Variants in SNX27 observed in about 807,000 individuals in gnomAD.
SNX27 encodes the protein sorting nexin 27.
SNX27 carries 22 observed loss-of-function variants against 71.6 expected under a neutral mutation model. The ratio of observed to expected loss-of-function variants is 0.31; its 90% confidence interval spans 0.22 to 0.44. The LOEUF (loss-of-function observed/expected upper bound fraction) is 0.44, where lower values mean the gene tolerates loss of function less well. Among genes scored for constraint, SNX27 ranks in the 20% least tolerant of loss-of-function variants. The probability of loss-of-function intolerance (pLI) is 1.00; values close to 1 mark genes in which losing one functional copy is unlikely to be tolerated. For missense variants in SNX27, 531 were observed against 698.6 expected (o/e 0.76, Z 2.70); for synonymous variants, 269 against 277.2 (o/e 0.97, Z 0.29).
Position 151,697,719 on chromosome 1 carries a change from A to C in SNX27, c.*3302A>C, listed in dbSNP as rs1300959820. The C allele has an allele frequency of 6.5e-6, 1 of 152,786 alleles. No homozygotes were observed. Among genetic ancestry groups the C allele is most frequent in the Admixed American group, 6.5e-5 (1 of 15,272 alleles). The allele number at this position is 152,786 out of a possible 1,614,324, so 9.5% of individuals were successfully genotyped here. A position where few individuals can be genotyped will look rare whatever the true frequency, so the allele number is the denominator to read the frequency against. Reference sequence around the variant, plus strand: ...CCCTTCCTCTGCACTTCCTTTCTGTAATCCCTACTGTTCTTCTTAGTCCCA... The same window carrying C: ...CCCTTCCTCTGCACTTCCTTTCTGTCATCCCTACTGTTCTTCTTAGTCCCA... On this transcript the variant is annotated 3_prime_UTR_variant, in exon 12 of 12. Coordinates refer to ENST00000458013, the MANE Select transcript of SNX27 (RefSeq NM_001330723.2).
At chr1:151,666,422 C>T (rs1390030440) in intron 6 of SNX27, 5 of 153,920 alleles carry the variant, frequency 3.2e-5, no homozygotes, top group African/African-American at 1.2e-4. Flanking sequence ...GGTTAAAAGC[C>T]TTGTTTTAAT....
At chr1:151,641,799 GAT>G (rs1202648504) in intron 2 of SNX27, among the ~76,000 whole-genome samples, 6 of 137,902 alleles carry the variant, frequency 4.4e-5, no homozygotes, top group East Asian at 4.2e-4. Context: ...AGATATATAA[GAT>G]ATAGATATAT....
At chr1:151,637,691 G>A (rs1668531436) in intron 1 of SNX27, among the ~76,000 whole-genome samples, 1 of 152,096 alleles carries the variant, frequency 6.6e-6, no homozygotes, top group Admixed American at 6.5e-5. Flanking sequence ...CAGGAGGCTA[G>A]CTGGGGGGTC....
intron 3 of SNX27, 124 bp downstream of exon 3, chr1:151,658,551 T>TAC: frequency 1.1e-6 from 1 of 950,104 alleles, no homozygotes; most frequent in Non-Finnish European, 1.5e-6. Flanking sequence ...TCTGACTAAG[T>TAC]ATTGAATGAT....
intron 7 of SNX27, among the ~76,000 whole-genome samples, chr1:151,681,233 A>ATTTTTTTTTTTT (rs1558071789): frequency 1.1e-5 from 1 of 87,376 alleles, no homozygotes. Flanking sequence ...TAGTCTCTCA[A>ATTTTTTTTTTTT]TCTTTTTTTT....
In SNX27 at chr1:151,612,623, C is replaced by A; in HGVS notation, c.311+111C>A. On this transcript the variant is annotated intron_variant, in intron 1 of 11. Transcript: ENST00000458013. The surrounding 1 kb of genome is among the most constrained non-coding windows in gnomAD (Gnocchi z 5.2). ...GCACCTCCCCCGAGCTCCGAGCCGG[C>A]CTCCGGACCCCCGCCCCTCAGGCCT... is the stretch of plus-strand genomic sequence containing the variant. 1 of 848,204 alleles carries A rather than the reference C, an allele frequency of 1.2e-6. No individual in the cohort carries two copies. Among genetic ancestry groups the A allele is most frequent in the Non-Finnish European group, 1.6e-6 (1 of 628,884 alleles). 52.5% of individuals were successfully genotyped at this position (848,204 alleles called of 1,614,324 possible).
intron 1 of SNX27, among the ~76,000 whole-genome samples, chr1:151,632,321 C>T (rs1571780250): frequency 6.6e-6 from 1 of 150,720 alleles, no homozygotes; most frequent in African/African-American, 2.5e-5. Context: ...CCACGCCCGG[C>T]TAATTTTTGT....
intron 7 of SNX27, chr1:151,676,145 TATTG>T (rs1487340404): frequency 2.0e-5 from 3 of 151,456 alleles, no homozygotes; most frequent in African/African-American, 7.3e-5. Flanking sequence ...TACAGCTGTT[TATTG>T]ATTGTGTTTT....
chr1:151,612,245 A>G lies in SNX27; in HGVS notation c.44A>G (p.His15Arg). Residue 15 changes from histidine (H) to arginine (R), a missense_variant, in exon 1 of 12, where the codon CAC (histidine) becomes CGC (arginine). Coordinates refer to ENST00000458013, the MANE Select transcript of SNX27 (RefSeq NM_001330723.2). The surrounding 1 kb of genome is among the most constrained non-coding windows in gnomAD (Gnocchi z 5.2). ...DGEGIHPSAP[H>R]RNGGGGGGGG... ...GAAGGGATTCATCCCTCAGCCCCTCACAGGAACGGAGGTGGCGGCGGCGGC... is the reference window on the plus strand; with the variant it reads ...GAAGGGATTCATCCCTCAGCCCCTCGCAGGAACGGAGGTGGCGGCGGCGGC... 7.0e-7 allele frequency: 1 copy of G among 1,433,904 alleles called. No individual in the cohort carries two copies. Among genetic ancestry groups the G allele is most frequent in the Non-Finnish European group, 9.1e-7 (1 of 1,096,158 alleles). The allele number at this position is 1,433,904 out of a possible 1,614,324, so 88.8% of individuals were successfully genotyped here.
intron 1 of SNX27, among the ~76,000 whole-genome samples, chr1:151,623,220 C>G (rs1001344002): frequency 5.3e-5 from 8 of 151,926 alleles, no homozygotes; most frequent in African/African-American, 1.9e-4. Context: ...TGGCTTACTG[C>G]AATTCTGCCT....
chr1:151,657,962 C>T (rs1349953910), intron 2 of SNX27, among the ~76,000 whole-genome samples: 2 of 152,156 alleles, frequency 1.3e-5, no homozygotes, highest in Non-Finnish European at 2.9e-5. Context: ...GATCATGCCA[C>T]TGCACTCCAG....
At chr1:151,662,553 G>A (rs185015467) in intron 5 of SNX27, 42 of 191,994 alleles carry the variant, frequency 2.2e-4, no homozygotes, top group African/African-American at 9.0e-4. Flanking sequence ...CGCAATCTCC[G>A]CTCACTGCAA....
At chr1:151,636,361 G>T (rs1668455364) in intron 1 of SNX27, among the ~76,000 whole-genome samples, 1 of 152,104 alleles carries the variant, frequency 6.6e-6, no homozygotes, top group African/African-American at 2.4e-5. Context: ...GAGTGCAGTG[G>T]CATGATCTAG....
chr1:151,629,026 T>C (rs1436336642), intron 1 of SNX27, among the ~76,000 whole-genome samples: 1 of 152,186 alleles, frequency 6.6e-6, no homozygotes, highest in African/African-American at 2.4e-5. Flanking sequence ...GGATCATGCT[T>C]TTTGGTGTTG....
At chr1:151,621,485 C>G (rs998879962) in intron 1 of SNX27, among the ~76,000 whole-genome samples, 1 of 152,164 alleles carries the variant, frequency 6.6e-6, no homozygotes, top group African/African-American at 2.4e-5. Context: ...TGTGTCAAAC[C>G]TCAGAGCAAG....
At chr1:151,667,010 G>C (rs1349070046) in intron 6 of SNX27, 1 of 152,038 alleles carries the variant, frequency 6.6e-6, no homozygotes, top group African/African-American at 2.4e-5. Context: ...TCAGCAGTTT[G>C]GGAGGCCGAG....
chr1:151,681,387 G>A (rs900851957), intron 7 of SNX27, among the ~76,000 whole-genome samples: 6 of 151,374 alleles, frequency 4.0e-5, no homozygotes, highest in East Asian at 1.9e-4. Flanking sequence ...GACTACAGGC[G>A]CCTGCCACCT....
rs150286449 is a variant in SNX27, at chr1:151,671,883, C to T, written c.1149+3248C>T. Among the ~76,000 whole-genome samples the T allele has an allele frequency of 5.6e-3, 851 of 152,148 alleles. 7 individuals carry two copies. Among genetic ancestry groups the T allele is most frequent in the African/African-American group, 0.02 (816 of 41,522 alleles). On this transcript the variant is annotated intron_variant, in intron 7 of 11. Coordinates refer to ENST00000458013, the MANE Select transcript of SNX27 (RefSeq NM_001330723.2). ...CTGCAACTTTACTGAATTTATTTAT[C>T]AGTTCTAATAGTTTTTCGGTGGAGT... is the stretch of plus-strand genomic sequence containing the variant.
chr1:151,670,517 A>G (rs944376304), intron 7 of SNX27, among the ~76,000 whole-genome samples: 4 of 152,192 alleles, frequency 2.6e-5, no homozygotes, highest in African/African-American at 9.6e-5. Context: ...ACCAACAGTA[A>G]ACAAGGGTTC....
Sources: allele counts gnomAD v4.1 joint callset (sites outside exome capture counted in the v4.1 genomes callset), GRCh38; gene constraint gnomAD v4.1.1; non-coding constraint Gnocchi (gnomAD v3.1); transcripts MANE v1.5; gene names NCBI Gene and HGNC (gene_info 2026-07-23, HGNC 2026-07-21).